Variants in CNOT6L observed in about 807,000 individuals in gnomAD.
The protein encoded by CNOT6L is CCR4-NOT transcription complex subunit 6-like.
CNOT6L carries 7 observed loss-of-function variants against 64.0 expected under a neutral mutation model. The observed-to-expected ratio is 0.11, with a 90% CI of 0.06 to 0.21. CNOT6L has a LOEUF of 0.21. Ranked by LOEUF, CNOT6L falls within the 10% of genes least tolerant of loss-of-function variation. The pLI is 1.00. For synonymous variants in CNOT6L, 193 were observed against 243.4 expected, an observed-to-expected ratio of 0.79 and a Z score of 1.93; for missense variants, 245 against 669.0, an observed-to-expected ratio of 0.37 and a Z score of 6.99.
rs1296528722 is a variant in CNOT6L, at chr4:77,719,026, A to T, written c.*1405T>A. 2 of 152,554 alleles carry T rather than the reference A, an allele frequency of 1.3e-5. No individual in the cohort carries two copies. The highest frequency in any genetic ancestry group is 2.9e-5 in the Non-Finnish European group (2 of 68,008). The allele number at this position is 152,554 out of a possible 1,614,324, so 9.5% of individuals were successfully genotyped here. On this transcript the variant is annotated 3_prime_UTR_variant, in exon 12 of 12. Coordinates refer to ENST00000504123, the MANE Select transcript of CNOT6L (RefSeq NM_144571.3). ...AAAAGTTTAAAATATAAATTTCAGAAAACTCTTATAGCAGCAAAAAAGCAG... is the reference window on the plus strand; with the variant it reads ...AAAAGTTTAAAATATAAATTTCAGATAACTCTTATAGCAGCAAAAAAGCAG...
At chr4:77,776,922 T>C (rs868692134) in intron 1 of CNOT6L, among the ~76,000 whole-genome samples, 11 of 152,128 alleles carry the variant, frequency 7.2e-5, no homozygotes, top group African/African-American at 2.7e-4. Context: ...CAAAGAAGAA[T>C]ACAGCCCAAA....
chr4:77,779,314 C>A (rs958529123), intron 1 of CNOT6L, among the ~76,000 whole-genome samples: 2 of 152,000 alleles, frequency 1.3e-5, no homozygotes, highest in Non-Finnish European at 2.9e-5. Context: ...CATCTCACAG[C>A]CAATTAACAC....
intron 9 of CNOT6L, 52 bp from the exon 10 acceptor site, chr4:77,729,133 A>C: frequency 7.1e-7 from 1 of 1,406,506 alleles, no homozygotes; most frequent in Non-Finnish European, 1.0e-6. Context: ...ATGTTTGAAG[A>C]AATGTGGCAT....
At chr4:77,781,733 T>C (rs1469028905) in intron 1 of CNOT6L, among the ~76,000 whole-genome samples, 1 of 152,140 alleles carries the variant, frequency 6.6e-6, no homozygotes, top group Non-Finnish European at 1.5e-5. Context: ...ACGATGCCTC[T>C]ATAGCGTATG....
chr4:77,789,867 C>T (rs1430080808), intron 1 of CNOT6L, among the ~76,000 whole-genome samples: 1 of 144,578 alleles, frequency 6.9e-6, no homozygotes, highest in African/African-American at 2.6e-5. Flanking sequence ...GAGGGGATTG[C>T]TTGAGCCCAA....
chr4:77,737,406 CTTTTTTTTTTTTTTTTTTTTT>C (rs56952956), intron 8 of CNOT6L, among the ~76,000 whole-genome samples: 4 of 82,378 alleles, frequency 4.9e-5, no homozygotes, highest in Middle Eastern at 8.5e-3. Flanking sequence ...TTGTACCGTT[CTTTTTTTTTTTTTTTTTTTTT>C]TTTTTTTTTT....
intron 2 of CNOT6L, among the ~76,000 whole-genome samples, 170 bp downstream of exon 2, chr4:77,776,101 G>C (rs1728109988): frequency 6.6e-6 from 1 of 152,012 alleles, no homozygotes; most frequent in Non-Finnish European, 1.5e-5. Context: ...TCAAAAAATG[G>C]AAACAAAGAT....
At position 77,817,370 on chromosome 4, in the gene CNOT6L, T is replaced by A. The variant is rs149848670; in HGVS notation, c.5+1934A>T. On this transcript the variant is annotated intron_variant, in intron 1 of 11. Coordinates refer to ENST00000504123, the MANE Select transcript of CNOT6L (RefSeq NM_144571.3). The stretch of plus-strand genomic sequence containing the variant: ...GGCTCTGAAAGATTCCATTGTCTTT[T>A]TTACGTTATAGTTACTTAATATTGC... Among the ~76,000 whole-genome samples, 799 of 152,320 alleles carry A rather than the reference T, an allele frequency of 5.2e-3. 7 individuals are homozygous for A. Among genetic ancestry groups the A allele is most frequent in the African/African-American group, 0.018 (753 of 41,570 alleles).
intron 6 of CNOT6L, among the ~76,000 whole-genome samples, chr4:77,746,796 G>GTAGAAAACCTTAGGTAC (rs1724247056): frequency 6.6e-6 from 1 of 152,074 alleles, no homozygotes; most frequent in South Asian, 2.1e-4. Context: ...TTTAAGTTTT[G>GTAGAAAACCTTAGGTAC]TAGAAAACCT....
At chr4:77,743,203 T>G (rs963946091) in intron 7 of CNOT6L, among the ~76,000 whole-genome samples, 1 of 152,148 alleles carries the variant, frequency 6.6e-6, no homozygotes, top group Non-Finnish European at 1.5e-5. Flanking sequence ...TTTTTCAAAA[T>G]TTTCAACTTC....
intron 1 of CNOT6L, among the ~76,000 whole-genome samples, chr4:77,783,226 A>T (rs1312317850): frequency 6.6e-6 from 1 of 151,708 alleles, no homozygotes; most frequent in Non-Finnish European, 1.5e-5. Flanking sequence ...TAACCTTCAG[A>T]CTTTTGAAGT....
At chr4:77,794,525 ACATGATCAT>A (rs1482498541) in intron 1 of CNOT6L, among the ~76,000 whole-genome samples, 2 of 152,244 alleles carry the variant, frequency 1.3e-5, no homozygotes, top group Non-Finnish European at 2.9e-5. Context: ...AAAAGAATAC[ACATGATCAT>A]CTCAATAGAT....
chr4:77,727,108 A>G (rs1721943062), intron 10 of CNOT6L, among the ~76,000 whole-genome samples: 1 of 152,186 alleles, frequency 6.6e-6, no homozygotes, highest in Admixed American at 6.5e-5. Context: ...GTAAGATATA[A>G]TGAATGTGTG....
At chr4:77,803,144 GAC>G (rs1017873416) in intron 1 of CNOT6L, among the ~76,000 whole-genome samples, 6 of 151,056 alleles carry the variant, frequency 4.0e-5, no homozygotes, top group African/African-American at 1.5e-4. Flanking sequence ...GAAAAACAGA[GAC>G]ACCCAATAGA....
chr4:77,796,350 A>G (rs1025480608), intron 1 of CNOT6L, among the ~76,000 whole-genome samples: 6 of 151,922 alleles, frequency 3.9e-5, no homozygotes, highest in African/African-American at 1.5e-4. Context: ...GTGTTGGGGG[A>G]GGTGCTTGGT....
chr4:77,780,875 A>G (rs1728783572), intron 1 of CNOT6L, among the ~76,000 whole-genome samples: 1 of 152,152 alleles, frequency 6.6e-6, no homozygotes, highest in Non-Finnish European at 1.5e-5. Flanking sequence ...AGGTGGAGGG[A>G]TCGCTTGCAG....
intron 1 of CNOT6L, among the ~76,000 whole-genome samples, chr4:77,788,157 T>G (rs1011321236): frequency 4.6e-5 from 7 of 152,202 alleles, no homozygotes; most frequent in Non-Finnish European, 1.0e-4. Context: ...ATTCAAGATT[T>G]AATTTTTTTG....
intron 1 of CNOT6L, among the ~76,000 whole-genome samples, chr4:77,799,411 G>A (rs1731241812): frequency 6.6e-6 from 1 of 151,936 alleles, no homozygotes; most frequent in Non-Finnish European, 1.5e-5. Flanking sequence ...AAGGTCAAAA[G>A]TAATATGTTC....
chr4:77,819,266 C>A lies in CNOT6L; in HGVS notation c.5+38G>T, dbSNP rs553611249. On this transcript the variant is annotated intron_variant, in intron 1 of 11. Coordinates refer to ENST00000504123, the MANE Select transcript of CNOT6L (RefSeq NM_144571.3). The stretch of plus-strand genomic sequence containing the variant: ...CCCGGGGACGCGCTCCTCTTCCCAA[C>A]ACTCTCGGTCCTACTCGGAGGCAAA... The A allele has an allele frequency of 1.1e-5, 17 of 1,613,656 alleles. No individual in the cohort carries two copies. The South Asian group carries it at 1.8e-4, about 17-fold the overall frequency.
Sources: gnomAD v4.1 joint callset for allele counts (sites outside exome capture counted in the v4.1 genomes callset) on GRCh38, gnomAD v4.1.1 for gene constraint, MANE v1.5 for transcripts, NCBI Gene and HGNC (gene_info 2026-07-23, HGNC 2026-07-21) for gene names.